ZNF76: variants seen among roughly 807,000 people sequenced by gnomAD.
The protein encoded by ZNF76 is zinc finger protein 523.
Under a neutral mutation model 66.9 loss-of-function variants are expected in ZNF76, and 66 were observed. The observed-to-expected ratio is 0.99, with a 90% CI of 0.81 to 1.21. The LOEUF (loss-of-function observed/expected upper bound fraction) is 1.21, where lower values mean the gene tolerates loss of function less well. Among genes scored for constraint, ZNF76 ranks in the 50% most tolerant of loss-of-function variants. ZNF76 has a pLI of 0.00. For missense variants in ZNF76, 729 were observed against 760.3 expected, an observed-to-expected ratio of 0.96 and a Z score of 0.48; for synonymous variants, 275 against 296.1, an observed-to-expected ratio of 0.93 and a Z score of 0.73.
intron 2 of ZNF76, among the ~76,000 whole-genome samples, chr6:35,282,201 T>G (rs1788873300): frequency 6.6e-6 from 1 of 152,058 alleles, no homozygotes; most frequent in Admixed American, 6.5e-5. Context: ...AAGCTGGGCT[T>G]GGTGGCATGC....
chr6:35,273,862 AG>A (rs1168339927), intron 1 of ZNF76, among the ~76,000 whole-genome samples: 1 of 75,448 alleles, frequency 1.3e-5, no homozygotes, highest in African/African-American at 2.8e-5. Context: ...TTTAAAAAGA[AG>A]AAAAAAAAAA....
rs1362689541 is a variant in ZNF76, at chr6:35,291,644, A to G, written c.838A>G (p.Thr280Ala). The G allele has an allele frequency of 1.2e-6, 2 of 1,613,968 alleles. No homozygotes were observed. The highest frequency in any genetic ancestry group is 8.5e-7 in the Non-Finnish European group (1 of 1,179,948). ...CCGCAAGGTACATGTGCGCACCCACACAGGCGAGAGGCCCTACACCTGCCC... is the reference window on the plus strand; with the variant it reads ...CCGCAAGGTACATGTGCGCACCCACGCAGGCGAGAGGCCCTACACCTGCCC... ...NIRKVHVRTH[T>A]GERPYTCPEP... is the part of the protein sequence containing the mutation. Residue 280 changes from threonine (T) to alanine (A), a missense_variant, in exon 9 of 14, where the codon ACA (threonine) becomes GCA (alanine). Thr to Ala is a moderately conservative substitution (Grantham distance 58, BLOSUM62 0). Transcript: ENST00000373953.
At chr6:35,282,893 G>C (rs1388376688) in intron 2 of ZNF76, among the ~76,000 whole-genome samples, 1 of 152,142 alleles carries the variant, frequency 6.6e-6, no homozygotes, top group Non-Finnish European at 1.5e-5. Flanking sequence ...GTGACATGTG[G>C]GTTCTTGTTG....
rs150492704 is a variant in ZNF76, at chr6:35,276,905, T to C, written c.-96-4151T>C. On this transcript the variant is annotated intron_variant, in intron 1 of 13. Transcript: ENST00000373953. ...TCCGCCTCCTGGGTCCAAGCAATTCTCCTGCCTCAGCCTCCCAAGTAGCTA... is the reference window on the plus strand; with the variant it reads ...TCCGCCTCCTGGGTCCAAGCAATTCCCCTGCCTCAGCCTCCCAAGTAGCTA... Among the ~76,000 whole-genome samples, 1,031 of 150,004 alleles carry C rather than the reference T, an allele frequency of 6.9e-3. 26 individuals carry two copies. The highest frequency in any genetic ancestry group is 0.036 in the South Asian group (168 of 4,692).
chr6:35,283,160 C>T (rs557606579), intron 2 of ZNF76, among the ~76,000 whole-genome samples: 1 of 152,232 alleles, frequency 6.6e-6, no homozygotes, highest in Non-Finnish European at 1.5e-5. Flanking sequence ...GCCACTCTTT[C>T]CTTATATCTA....
intron 1 of ZNF76, 24 bp from the exon 2 acceptor site, chr6:35,281,032 A>C (rs1788703523): frequency 1.0e-6 from 1 of 984,772 alleles, no homozygotes; most frequent in African/African-American, 1.6e-5. Flanking sequence ...TTAACTCATA[A>C]TGTGATACTG....
At chr6:35,273,767 G>A (rs1273634780) in intron 1 of ZNF76, among the ~76,000 whole-genome samples, 2 of 150,692 alleles carry the variant, frequency 1.3e-5, no homozygotes, top group African/African-American at 4.9e-5. Flanking sequence ...TGTTGCCCAG[G>A]CTGGTCTCAA....
At chr6:35,285,974 G>A (rs1789502530) in intron 2 of ZNF76, among the ~76,000 whole-genome samples, 154 bp from the exon 3 acceptor site, 1 of 152,238 alleles carries the variant, frequency 6.6e-6, no homozygotes, top group South Asian at 2.1e-4. Flanking sequence ...CCAGGCCCAG[G>A]GAGACAGAGC....
chr6:35,291,378 G>A lies in ZNF76; in HGVS notation c.726G>A (p.Leu242=). ...AGGCCTTCAAGACCTCAGGAGACCTGCAGAAGCATGTCCGTACCCACACTG... is the reference window on the plus strand; with the variant it reads ...AGGCCTTCAAGACCTCAGGAGACCTACAGAAGCATGTCCGTACCCACACTG... The part of the protein sequence containing the change: ...CSKAFKTSGD[L]QKHVRTHTGE... The change falls in exon 8 of 14, where the codon CTG becomes CTA. Residue 242 remains leucine (L), a synonymous_variant. Coordinates refer to ENST00000373953, the MANE Select transcript of ZNF76 (RefSeq NM_003427.5). 3 of 1,614,152 alleles carry A rather than the reference G, an allele frequency of 1.9e-6. No homozygotes were observed. Among genetic ancestry groups the A allele is most frequent in the Non-Finnish European group, 1.7e-6 (2 of 1,180,022 alleles).
At chr6:35,278,287 G>A (rs1046857158) in intron 1 of ZNF76, among the ~76,000 whole-genome samples, 3 of 152,138 alleles carry the variant, frequency 2.0e-5, no homozygotes, top group Non-Finnish European at 2.9e-5. Flanking sequence ...TCCTGCCTCA[G>A]CCTCCCAAGT....
chr6:35,262,013 G>A (rs1368498246), intron 1 of ZNF76, among the ~76,000 whole-genome samples: 2 of 152,184 alleles, frequency 1.3e-5, no homozygotes, highest in African/African-American at 2.4e-5. Flanking sequence ...TTTAATGTAA[G>A]TTTTATGTGA....
chr6:35,290,427 C>T (rs1262058655), intron 6 of ZNF76, 45 bp downstream of exon 6: 1 of 1,604,736 alleles, frequency 6.2e-7, no homozygotes, highest in East Asian at 2.2e-5. Context: ...GTCTTCCCTC[C>T]CAGGCTGTAA....
In ZNF76 at chr6:35,282,364, A is replaced by T. The variant is rs201223406; in HGVS notation, c.73+1140A>T. On this transcript the variant is annotated intron_variant, in intron 2 of 13. Transcript: ENST00000373953. ...TACTAAAATAATAATACCAAGTTCT[A>T]AAAAAAAAAAAAAAAGTATTGTTTA... is the stretch of plus-strand genomic sequence containing the variant. 7.0e-4 allele frequency among the ~76,000 whole-genome samples: 93 copies of T among 133,684 alleles called. No individual in the cohort carries two copies. The East Asian group carries it at 0.014, about 20-fold the overall frequency. 87.7% of individuals were successfully genotyped at this position (133,684 alleles called of 152,430 possible).
At chr6:35,262,481 C>T (rs932851140) in intron 1 of ZNF76, among the ~76,000 whole-genome samples, 5 of 152,158 alleles carry the variant, frequency 3.3e-5, no homozygotes, top group African/African-American at 4.8e-5. Flanking sequence ...ACGCTTCCAG[C>T]CCTTTCCCTG....
In ZNF76 at chr6:35,291,722, G is replaced by A. The variant is rs370083681; in HGVS notation, c.916G>A (p.Val306Met). The change falls in exon 9 of 14, where the codon GTG becomes ATG. Residue 306 changes from valine to methionine, a missense_variant. Val to Met is a conservative substitution (Grantham distance 21). Transcript: ENST00000373953. Reference sequence around the variant, plus strand: ...CAGCGCCACCAACTATAAGAATCACGTGCGCATCCACACAGGTGGGCTAGC... The same window carrying A: ...CAGCGCCACCAACTATAAGAATCACATGCGCATCCACACAGGTGGGCTAGC... The part of the protein sequence containing the change: ...FTSATNYKNH[V>M]RIHTGEKPYV... 4.6e-5 allele frequency: 74 copies of A among 1,609,364 alleles called. No homozygotes were observed. The highest frequency in any genetic ancestry group is 7.7e-5 in the South Asian group (7 of 91,084).
chr6:35,273,609 C>T (rs1787461451), intron 1 of ZNF76, among the ~76,000 whole-genome samples: 2 of 150,592 alleles, frequency 1.3e-5, no homozygotes, highest in South Asian at 2.1e-4. Flanking sequence ...GGTGAAACCC[C>T]ATCTCTACTA....
chr6:35,291,147 C>T, intron 7 of ZNF76, 131 bp from the exon 8 acceptor site: 2 of 1,265,918 alleles, frequency 1.6e-6, no homozygotes, highest in Non-Finnish European at 1.1e-6. Flanking sequence ...CTGCCCAGGG[C>T]AGGGGTGGGA....
chr6:35,267,572 C>A (rs1410758185), intron 1 of ZNF76, among the ~76,000 whole-genome samples: 1 of 152,228 alleles, frequency 6.6e-6, no homozygotes, highest in Non-Finnish European at 1.5e-5. Context: ...TTCCTTCATT[C>A]GCTGAAGTAA....
chr6:35,265,377 G>A (rs374925428), intron 1 of ZNF76, among the ~76,000 whole-genome samples: 1 of 151,944 alleles, frequency 6.6e-6, no homozygotes, highest in East Asian at 1.9e-4. Flanking sequence ...CGTGGTGGCA[G>A]GCACCTGTAA....
Sources: allele counts gnomAD v4.1 joint callset (sites outside exome capture counted in the v4.1 genomes callset), GRCh38; gene constraint gnomAD v4.1.1; transcripts MANE v1.5; gene names NCBI Gene and HGNC (gene_info 2026-07-23, HGNC 2026-07-21).